The following LUC7L variants were observed in gnomAD, a reference collection of about 807,000 sequenced individuals.
The protein encoded by LUC7L is LUC7 like.
Under a neutral mutation model 51.1 loss-of-function variants are expected in LUC7L, and 29 were observed. The observed-to-expected ratio is 0.57, with a 90% CI of 0.42 to 0.77. The LOEUF (loss-of-function observed/expected upper bound fraction) is 0.77. LUC7L is among the 30% of genes least tolerant of loss of function. The probability of loss-of-function intolerance (pLI) is 0.00; values close to 1 mark genes in which losing one functional copy is unlikely to be tolerated. For synonymous variants in LUC7L, 181 were observed against 180.7 expected, an observed-to-expected ratio of 1.00 and a Z score of -0.01; for missense variants, 403 against 511.9, an observed-to-expected ratio of 0.79 and a Z score of 2.05.
chr16:226,524 A>G (rs764733894), intron 2 of LUC7L, among the ~76,000 whole-genome samples: 27 of 152,240 alleles, frequency 1.8e-4, no homozygotes, highest in Admixed American at 3.9e-4. Flanking sequence ...TATATTCATT[A>G]GATAGCATGT....
At chr16:190,213 G>C in intron 8 of LUC7L, 78 bp from the exon 9 acceptor site, 1 of 1,260,262 alleles carries the variant, frequency 7.9e-7, no homozygotes, top group South Asian at 1.3e-5. Flanking sequence ...AGCAGATTCT[G>C]CTTGCTGCTT....
chr16:227,881 A>C, intron 1 of LUC7L: 1 of 1,001,466 alleles, frequency 1.0e-6, no homozygotes, highest in Non-Finnish European at 1.2e-6. Context: ...ACCCTTAAAA[A>C]AGAGAGTTGC....
intron 4 of LUC7L, among the ~76,000 whole-genome samples, chr16:206,580 T>C (rs563144951): frequency 6.6e-6 from 1 of 152,044 alleles, no homozygotes; most frequent in Admixed American, 6.6e-5. Flanking sequence ...TTTACAACAC[T>C]GAAAAGAAAA....
intron 2 of LUC7L, among the ~76,000 whole-genome samples, chr16:223,028 G>A (rs62032205): frequency 0.022 from 3,257 of 151,438 alleles, 56 homozygotes; most frequent in Non-Finnish European, 0.036. Context: ...AGAGAGGCTT[G>A]CATGTCTGAC....
chr16:216,884 C>T (rs1283219740), intron 3 of LUC7L, among the ~76,000 whole-genome samples: 4 of 151,764 alleles, frequency 2.6e-5, no homozygotes, highest in Admixed American at 6.6e-5. Flanking sequence ...TTTGTAGAGA[C>T]GGGGTTTCCC....
chr16:205,317 A>G (rs2142070411), intron 5 of LUC7L, among the ~76,000 whole-genome samples: 1 of 152,314 alleles, frequency 6.6e-6, no homozygotes, highest in Non-Finnish European at 1.5e-5. Context: ...AGCTGGCCAT[A>G]TGCTTAAGTT....
chr16:210,789 C>T (rs1242274082), intron 3 of LUC7L, among the ~76,000 whole-genome samples: 3 of 152,188 alleles, frequency 2.0e-5, no homozygotes, highest in South Asian at 2.1e-4. Flanking sequence ...TGGTGGCTCA[C>T]GCCTGTAATC....
intron 7 of LUC7L, among the ~76,000 whole-genome samples, chr16:191,793 C>A (rs1194543513): frequency 6.6e-6 from 1 of 152,152 alleles, no homozygotes; most frequent in Non-Finnish European, 1.5e-5. Context: ...TGCAGTGAGC[C>A]GATATCGCAC....
At chr16:209,595 T>G (rs1220996133) in intron 3 of LUC7L, 4 of 152,016 alleles carry the variant, frequency 2.6e-5, no homozygotes, top group Non-Finnish European at 4.4e-5. Flanking sequence ...AATGTCAGCA[T>G]CATGATAAAC....
chr16:205,841 G>A (rs1360295870), intron 5 of LUC7L, among the ~76,000 whole-genome samples, 163 bp downstream of exon 5: 1 of 152,108 alleles, frequency 6.6e-6, no homozygotes, highest in Non-Finnish European at 1.5e-5. Context: ...CGCCCGCCTC[G>A]GCCTTCCAAA....
chr16:197,740 G>A (rs1041648135), intron 6 of LUC7L, among the ~76,000 whole-genome samples: 16 of 152,118 alleles, frequency 1.1e-4, no homozygotes, highest in Admixed American at 1.0e-3. Context: ...TGAGTGAGCA[G>A]CTCTTTCCTG....
intron 6 of LUC7L, among the ~76,000 whole-genome samples, chr16:194,585 C>T (rs1021758779): frequency 2.6e-5 from 4 of 152,214 alleles, no homozygotes; most frequent in African/African-American, 7.2e-5. Flanking sequence ...GGAGCAGAAT[C>T]CCTACAGCCA....
rs1191519984 is a variant in LUC7L at position 227,317 on chromosome 16, C to T, written c.81G>A (p.Arg27=). The T allele has an allele frequency of 1.2e-6, 2 of 1,610,222 alleles. No individual in the cohort carries two copies. The highest frequency in any genetic ancestry group is 1.7e-6 in the Non-Finnish European group (2 of 1,177,942). The part of the protein sequence containing the change: ...TARDGDETRQ[R]VKFTDDRVCK... ...AGACACGGTCATCTGTAAACTTGAC[C>T]CTCTGTCTGGTTTCGTCTCCTGAAA... is the stretch of plus-strand genomic sequence containing the variant. The change falls in exon 2 of 10, where the codon AGG becomes AGA. Residue 27 remains arginine, a synonymous_variant. Coordinates refer to ENST00000293872, the MANE Select transcript of LUC7L (RefSeq NM_201412.3).
chr16:210,517 G>A (rs953266712), intron 3 of LUC7L, among the ~76,000 whole-genome samples: 1 of 152,232 alleles, frequency 6.6e-6, no homozygotes, highest in South Asian at 2.1e-4. Context: ...GCTTACCTCA[G>A]ACAACAGCCC....
intron 5 of LUC7L, among the ~76,000 whole-genome samples, chr16:199,740 G>A (rs2049266581): frequency 2.0e-5 from 2 of 98,542 alleles, no homozygotes; most frequent in African/African-American, 8.3e-5. Flanking sequence ...CAGGCAACAA[G>A]AGCAAAACCC....
intron 3 of LUC7L, among the ~76,000 whole-genome samples, chr16:217,090 C>T (rs916375405): frequency 2.6e-5 from 4 of 152,066 alleles, no homozygotes; most frequent in African/African-American, 9.7e-5. Flanking sequence ...GATCTCAGCA[C>T]ACTGCAACCT....
At chr16:216,524 A>C (rs1264514114) in intron 3 of LUC7L, among the ~76,000 whole-genome samples, 1 of 151,804 alleles carries the variant, frequency 6.6e-6, no homozygotes, top group African/African-American at 2.4e-5. Flanking sequence ...CTGGGACTAC[A>C]GGTGCCCACC....
At chr16:195,496 T>C (rs1481925236) in intron 6 of LUC7L, among the ~76,000 whole-genome samples, 1 of 152,080 alleles carries the variant, frequency 6.6e-6, no homozygotes, top group Non-Finnish European at 1.5e-5. Flanking sequence ...TGATCACAGT[T>C]CACTGCAGCC....
At chr16:213,088 A>G (rs554710602) in intron 3 of LUC7L, among the ~76,000 whole-genome samples, 1 of 152,202 alleles carries the variant, frequency 6.6e-6, no homozygotes, top group South Asian at 2.1e-4. Context: ...TCAGAGCTTA[A>G]TATGATTAAT....
Sources: allele counts gnomAD v4.1 joint callset (sites outside exome capture counted in the v4.1 genomes callset), GRCh38; gene constraint gnomAD v4.1.1; transcripts MANE v1.5; gene names NCBI Gene and HGNC (gene_info 2026-07-23, HGNC 2026-07-21).